Variants in FGF13 observed in about 807,000 individuals in gnomAD.
FGF13 encodes fibroblast growth factor homologous factor 2.
FGF13 carries 2 observed loss-of-function variants against 19.5 expected under a neutral mutation model. That is an observed-to-expected ratio of 0.10 (90% CI 0.04 to 0.32). The LOEUF is 0.32. FGF13 is among the 10% of genes least tolerant of loss of function. The probability of loss-of-function intolerance (pLI) is 1.00; values close to 1 mark genes in which losing one functional copy is unlikely to be tolerated. For missense variants in FGF13, 113 were observed against 192.7 expected, an observed-to-expected ratio of 0.59 and a Z score of 2.45; for synonymous variants, 72 against 76.9, an observed-to-expected ratio of 0.94 and a Z score of 0.33.
chrX:138,739,363 C>T, upstream of FGF13: 1 of 942,308 alleles, frequency 1.1e-6, no homozygotes, highest in Non-Finnish European at 1.5e-6. Context: ...TAAGGCATAT[C>T]TAAAGTATTC....
chrX:139,002,272 G>A (rs1385464134), intron 1 of FGF13, among the ~76,000 whole-genome samples: 3 of 110,936 alleles, frequency 2.7e-5, no homozygotes, highest in Non-Finnish European at 5.7e-5. Context: ...AAACTCACAT[G>A]TCACATGTAT....
chrX:139,018,354 C>A (rs1425536892), intron 1 of FGF13, among the ~76,000 whole-genome samples: 1 of 111,641 alleles, frequency 9.0e-6, no homozygotes, highest in Non-Finnish European at 1.9e-5. Flanking sequence ...CCAGGACTAT[C>A]AGGCCAGTGC....
intron 1 of FGF13, among the ~76,000 whole-genome samples, chrX:139,057,721 C>T (rs2092324317): frequency 8.9e-6 from 1 of 111,831 alleles, no homozygotes; most frequent in Admixed American, 9.5e-5. Flanking sequence ...GAATGATTAC[C>T]GATACATGTC....
chrX:138,651,920 T>C (rs2089378652), intron 3 of FGF13, among the ~76,000 whole-genome samples: 1 of 111,503 alleles, frequency 9.0e-6, no homozygotes, highest in East Asian at 2.8e-4. Context: ...ATGTAAACTA[T>C]ACATGTAGTA....
intron 1 of FGF13, among the ~76,000 whole-genome samples, chrX:138,887,277 G>A (rs140265265): frequency 0.013 from 1,500 of 111,463 alleles, 12 homozygotes; most frequent in Non-Finnish European, 0.022. Flanking sequence ...ACTCCAGAAG[G>A]GCTAGCTATG....
intron 1 of FGF13, among the ~76,000 whole-genome samples, chrX:139,072,531 C>T (rs1440191817): frequency 8.9e-6 from 1 of 111,857 alleles, no homozygotes; most frequent in Non-Finnish European, 1.9e-5. Flanking sequence ...TAAAGTTCTA[C>T]GTTAATAACT....
chrX:138,907,505 C>A (rs201441989), intron 1 of FGF13, among the ~76,000 whole-genome samples: 2 of 111,362 alleles, frequency 1.8e-5, no homozygotes, highest in East Asian at 2.8e-4. Flanking sequence ...GCATTGCACT[C>A]CTGACATTAA....
chrX:139,173,547 C>A (rs1280920656), intron 1 of FGF13, among the ~76,000 whole-genome samples: 2 of 110,323 alleles, frequency 1.8e-5, no homozygotes, highest in African/African-American at 6.6e-5. Context: ...TGCTATCCGT[C>A]CCCTAGTCCC....
At position 138,635,769 on chromosome X, in the gene FGF13, A is replaced by G. The variant is rs2089176466; in HGVS notation, c.403-114T>C. 5.9e-6 allele frequency: 3 copies of G among 510,906 alleles called. No individual in the cohort carries two copies. The African/African-American group carries it at 7.0e-5, about 12-fold the overall frequency. The allele number at this position is 510,906 out of a possible 1,213,427, so 42.1% of individuals were successfully genotyped here. ...GACATACTTTGTAAAAGCTCGTGTG[A>G]CTGGTGCTCTATTTTAATAGCATAA... On this transcript the variant is annotated intron_variant, in intron 3 of 4. Transcript: ENST00000315930.
At chrX:138,651,653 C>A (rs987951225) in intron 3 of FGF13, among the ~76,000 whole-genome samples, 1 of 111,784 alleles carries the variant, frequency 8.9e-6, no homozygotes, top group African/African-American at 3.3e-5. Flanking sequence ...TTTTGCTGCA[C>A]TGCTGATAGC....
chrX:139,114,439 T>C (rs1442960590), intron 1 of FGF13, among the ~76,000 whole-genome samples: 2 of 111,639 alleles, frequency 1.8e-5, no homozygotes, highest in Non-Finnish European at 3.8e-5. Context: ...GGTCAGGGGA[T>C]AGGACTATCA....
At chrX:138,937,069 C>G (rs1265647249) in intron 1 of FGF13, among the ~76,000 whole-genome samples, 1 of 110,831 alleles carries the variant, frequency 9.0e-6, no homozygotes, top group East Asian at 2.9e-4. Context: ...GACCCCCTTT[C>G]TTCTTGAGAA....
chrX:138,731,313 T>C (rs763503000), intron 1 of FGF13, among the ~76,000 whole-genome samples: 1 of 110,248 alleles, frequency 9.1e-6, no homozygotes, highest in Non-Finnish European at 1.9e-5. Flanking sequence ...ATAACCCAAA[T>C]TTAAATACAT....
intron 1 of FGF13, among the ~76,000 whole-genome samples, chrX:139,054,177 C>G (rs1442810978): frequency 1.2e-5 from 1 of 84,227 alleles, no homozygotes; most frequent in Non-Finnish European, 2.1e-5. Flanking sequence ...GTCTTGAGTG[C>G]AGTGGCGCGA....
intron 1 of FGF13, among the ~76,000 whole-genome samples, chrX:138,972,435 C>T (rs2091921887): frequency 9.4e-6 from 1 of 106,263 alleles, no homozygotes; most frequent in Non-Finnish European, 1.9e-5. Context: ...CGGCTCACTA[C>T]AAGCTCTGCC....
At chrX:138,955,960 G>C (rs965369277) in intron 1 of FGF13, among the ~76,000 whole-genome samples, 9 of 112,073 alleles carry the variant, frequency 8.0e-5, no homozygotes, top group African/African-American at 1.3e-4. Context: ...GGAAAGACTA[G>C]GCTTGGCTCG....
intron 3 of FGF13, among the ~76,000 whole-genome samples, chrX:138,695,537 T>C (rs750611027): frequency 8.9e-6 from 1 of 111,873 alleles, no homozygotes; most frequent in Non-Finnish European, 1.9e-5. Flanking sequence ...GAAATAGGTG[T>C]AAAGTGCCAG....
intron 3 of FGF13, among the ~76,000 whole-genome samples, chrX:138,840,120 T>C (rs914386681): frequency 1.8e-5 from 2 of 111,839 alleles, no homozygotes; most frequent in African/African-American, 6.5e-5. Context: ...TTCTACAAGT[T>C]TCTCTAGTTT....
chrX:138,961,866 G>C (rs1290465114), intron 1 of FGF13, among the ~76,000 whole-genome samples: 4 of 111,810 alleles, frequency 3.6e-5, no homozygotes, highest in Non-Finnish European at 7.5e-5. Flanking sequence ...AGACTTAAAT[G>C]TCAGACCTAA....
Sources: allele counts gnomAD v4.1 joint callset (sites outside exome capture counted in the v4.1 genomes callset), GRCh38; gene constraint gnomAD v4.1.1; transcripts MANE v1.5; gene names NCBI Gene and HGNC (gene_info 2026-07-23, HGNC 2026-07-21).